Variants in RGS21 observed in about 807,000 individuals in gnomAD.
RGS21 encodes regulator of G-protein signalling 21.
RGS21 carries 19 observed loss-of-function variants against 18.7 expected under a neutral mutation model. The ratio of observed to expected loss-of-function variants is 1.01; its 90% CI spans 0.71 to 1.49. RGS21 has a LOEUF of 1.49. RGS21 is among the 40% of genes most tolerant of loss of function. The pLI, the probability that RGS21 is intolerant of heterozygous loss-of-function variation, is 0.00. For synonymous variants in RGS21, 56 were observed against 57.8 expected (o/e 0.97, Z 0.14); for missense variants, 194 against 176.8 (o/e 1.10, Z -0.55).
At chr1:192,329,916 A>C (rs761445252) in intron 1 of RGS21, among the ~76,000 whole-genome samples, 9 of 152,184 alleles carry the variant, frequency 5.9e-5, no homozygotes, top group Non-Finnish European at 1.3e-4. Flanking sequence ...TTCATCTTTT[A>C]TACTTGTTTA....
intron 1 of RGS21, among the ~76,000 whole-genome samples, chr1:192,328,109 A>G (rs1221568337): frequency 6.6e-6 from 1 of 152,162 alleles, no homozygotes; most frequent in Non-Finnish European, 1.5e-5. Flanking sequence ...CAACTTTAAA[A>G]AAGAAGGCAT....
intron 3 of RGS21, among the ~76,000 whole-genome samples, chr1:192,349,812 T>A (rs1659010044): frequency 6.6e-6 from 1 of 152,158 alleles, no homozygotes; most frequent in Non-Finnish European, 1.5e-5. Flanking sequence ...GGGAAAATAA[T>A]GATTGTATCT....
chr1:192,324,803 C>T (rs1461060859), intron 1 of RGS21, among the ~76,000 whole-genome samples: 2 of 152,032 alleles, frequency 1.3e-5, no homozygotes, highest in Non-Finnish European at 2.9e-5. Flanking sequence ...TATATTGAAT[C>T]TCATCAAAGG....
chr1:192,362,698 G>C (rs1175182466), intron 4 of RGS21, among the ~76,000 whole-genome samples: 1 of 152,088 alleles, frequency 6.6e-6, no homozygotes, highest in Non-Finnish European at 1.5e-5. Flanking sequence ...TCCTTGGTAG[G>C]AAAATAGGCA....
At chr1:192,318,988 G>A (rs1326313113) in intron 1 of RGS21, among the ~76,000 whole-genome samples, 1 of 152,032 alleles carries the variant, frequency 6.6e-6, no homozygotes, top group African/African-American at 2.4e-5. Context: ...CTAGCACTTG[G>A]GGAGGCCAGA....
chr1:192,329,392 C>T (rs1337224945), intron 1 of RGS21, among the ~76,000 whole-genome samples: 2 of 152,004 alleles, frequency 1.3e-5, no homozygotes, highest in African/African-American at 2.4e-5. Context: ...CTTCTGCCTA[C>T]CAAAGCTACA....
At chr1:192,347,740 A>G (rs1658975913) in intron 3 of RGS21, among the ~76,000 whole-genome samples, 1 of 152,008 alleles carries the variant, frequency 6.6e-6, no homozygotes, top group Non-Finnish European at 1.5e-5. Flanking sequence ...GCTCACTGCA[A>G]ACTCCACCTT....
chr1:192,317,553 C>A (rs1658438388), intron 1 of RGS21, among the ~76,000 whole-genome samples: 1 of 151,702 alleles, frequency 6.6e-6, no homozygotes, highest in Non-Finnish European at 1.5e-5. Context: ...TGGCCAATTA[C>A]CATACCTGAA....
At chr1:192,365,294 T>C (rs1378439045) in intron 4 of RGS21, among the ~76,000 whole-genome samples, 3 of 152,128 alleles carry the variant, frequency 2.0e-5, no homozygotes, top group Non-Finnish European at 4.4e-5. Context: ...TATTTGCAGG[T>C]GAATGGTGTG....
chr1:192,359,402 T>A (rs191401015), intron 4 of RGS21, among the ~76,000 whole-genome samples: 153 of 152,112 alleles, frequency 1.0e-3, no homozygotes, highest in African/African-American at 3.6e-3. Flanking sequence ...AAATGGCAAG[T>A]ATGAGTTTCT....
Position 192,352,227 on chromosome 1 carries a change from T to C in RGS21, c.255+14T>C, listed in dbSNP as rs2102234434. The C allele has an allele frequency of 6.3e-7, 1 of 1,581,894 alleles. No homozygotes were observed. The highest frequency in any genetic ancestry group is 8.6e-7 in the Non-Finnish European group (1 of 1,164,414). On this transcript the variant is annotated intron_variant, in intron 4 of 4. Transcript: ENST00000417209. Reference sequence around the variant, plus strand: ...GCACCTAAAGAGGTGAGTGAACTACTTCAGAACAGTGAAGAGTCATCCTGT... The same window carrying C: ...GCACCTAAAGAGGTGAGTGAACTACCTCAGAACAGTGAAGAGTCATCCTGT...
intron 3 of RGS21, among the ~76,000 whole-genome samples, chr1:192,351,346 A>G (rs549209477): frequency 3.2e-4 from 48 of 152,240 alleles, no homozygotes; most frequent in African/African-American, 1.2e-3. Flanking sequence ...TATTTATCCA[A>G]AACTAATAAA....
chr1:192,332,780 G>T (rs904595243), intron 1 of RGS21, among the ~76,000 whole-genome samples: 2 of 152,128 alleles, frequency 1.3e-5, no homozygotes, highest in Non-Finnish European at 2.9e-5. Context: ...TGGCGCCTGT[G>T]CCTCACACCT....
At chr1:192,354,733 C>T (rs1197201741) in intron 4 of RGS21, among the ~76,000 whole-genome samples, 2 of 151,428 alleles carry the variant, frequency 1.3e-5, no homozygotes, top group Non-Finnish European at 3.0e-5. Flanking sequence ...AAATTATAAC[C>T]AGTTTCCTTG....
intron 4 of RGS21, among the ~76,000 whole-genome samples, chr1:192,360,100 C>T (rs1381151558): frequency 6.6e-6 from 1 of 151,924 alleles, no homozygotes; most frequent in African/African-American, 2.4e-5. Flanking sequence ...CTATTTTCTG[C>T]TTCCACTCAC....
chr1:192,347,258 G>T (rs1250619464), intron 2 of RGS21, 55 bp from the exon 3 acceptor site: 1 of 1,052,956 alleles, frequency 9.5e-7, no homozygotes, highest in South Asian at 1.4e-5. Context: ...CATGTAACTC[G>T]AATATTACTA....
At chr1:192,326,219 A>T (rs922758612) in intron 1 of RGS21, among the ~76,000 whole-genome samples, 2 of 152,090 alleles carry the variant, frequency 1.3e-5, no homozygotes, top group African/African-American at 4.8e-5. Context: ...TTTTTATGTT[A>T]TACCACTTAA....
chr1:192,345,911 A>G (rs1356378477), intron 2 of RGS21, among the ~76,000 whole-genome samples: 1 of 152,082 alleles, frequency 6.6e-6, no homozygotes, highest in African/African-American at 2.4e-5. Context: ...TACACAAAAT[A>G]TCTTCAATGT....
At chr1:192,355,596 T>C (rs965737082) in intron 4 of RGS21, among the ~76,000 whole-genome samples, 1 of 151,456 alleles carries the variant, frequency 6.6e-6, no homozygotes, top group Non-Finnish European at 1.5e-5. Context: ...AGAAAATTAT[T>C]AGAGAAATAG....
Sources: allele counts gnomAD v4.1 joint callset (sites outside exome capture counted in the v4.1 genomes callset), GRCh38; gene constraint gnomAD v4.1.1; transcripts MANE v1.5; gene names NCBI Gene and HGNC (gene_info 2026-07-23, HGNC 2026-07-21).